Variants in HEPH observed in about 807,000 individuals in gnomAD.
HEPH encodes hephaestin.
A neutral mutation model predicts 80.8 loss-of-function variants in HEPH; 69 were observed. That is an observed-to-expected ratio of 0.85 (90% CI 0.70 to 1.04). HEPH has a LOEUF of 1.04. Among genes scored for constraint, HEPH ranks in the 50% least tolerant of loss-of-function variants. HEPH has a pLI of 0.00. For synonymous variants in HEPH, 431 were observed against 322.8 expected, an observed-to-expected ratio of 1.34 and a Z score of -3.60; for missense variants, 1,115 against 891.3, an observed-to-expected ratio of 1.25 and a Z score of -3.20.
intron 17 of HEPH, among the ~76,000 whole-genome samples, chrX:66,257,224 A>G (rs1323956006): frequency 8.9e-6 from 1 of 111,942 alleles, no homozygotes; most frequent in Non-Finnish European, 1.9e-5. Context: ...GAAATGGTCC[A>G]GGATAAAAAG....
intron 15 of HEPH, among the ~76,000 whole-genome samples, chrX:66,250,471 C>A (rs2090962471): frequency 9.0e-6 from 1 of 111,321 alleles, no homozygotes; most frequent in African/African-American, 3.3e-5. Flanking sequence ...AGTATAATCA[C>A]CACCGCAATC....
At chrX:66,186,406 T>C (rs1326441972) in intron 4 of HEPH, among the ~76,000 whole-genome samples, 3 of 111,836 alleles carry the variant, frequency 2.7e-5, no homozygotes, top group African/African-American at 6.5e-5. Flanking sequence ...AGTCTCGTGG[T>C]GCGCGGTTTC....
intron 17 of HEPH, among the ~76,000 whole-genome samples, 176 bp from the exon 18 acceptor site, chrX:66,258,664 C>T (rs1403594429): frequency 2.7e-5 from 3 of 111,073 alleles, no homozygotes; most frequent in Non-Finnish European, 5.7e-5. Context: ...TTGATAATAT[C>T]AATGTAAGAA....
chrX:66,196,696 C>T (rs1040497691), intron 9 of HEPH, among the ~76,000 whole-genome samples: 1 of 111,954 alleles, frequency 8.9e-6, no homozygotes, highest in African/African-American at 3.2e-5. Context: ...CTTACAACCT[C>T]ATCAGCACTG....
Position 66,193,355 on chromosome X carries a change from G to A in HEPH, c.1233-147G>A, listed in dbSNP as rs149965498. On this transcript the variant is annotated intron_variant, in intron 7 of 20. Transcript: ENST00000343002. ...ACTTTCTAGTGGTGCCACCAAAGGAGATATCTTCACTGGTGGGAGTTAACT... is the reference window on the plus strand; with the variant it reads ...ACTTTCTAGTGGTGCCACCAAAGGAAATATCTTCACTGGTGGGAGTTAACT... 356 of 338,751 alleles carry A rather than the reference G, an allele frequency of 1.1e-3. 6 individuals are homozygous for A. In the East Asian group the frequency reaches 0.016, roughly 15 times the overall value. 27.9% of individuals were successfully genotyped at this position (338,751 alleles called of 1,213,427 possible).
At chrX:66,247,208 G>T (rs1164666529) in intron 15 of HEPH, among the ~76,000 whole-genome samples, 1 of 109,952 alleles carries the variant, frequency 9.1e-6, no homozygotes. Context: ...AGATTTACAT[G>T]TTTTGTCAAA....
At chrX:66,177,450 G>A (rs1363997770) in intron 4 of HEPH, among the ~76,000 whole-genome samples, 2 of 111,394 alleles carry the variant, frequency 1.8e-5, no homozygotes, top group Non-Finnish European at 3.8e-5. Context: ...TTTAATCTAG[G>A]AGGATTGTAT....
chrX:66,176,164 C>G (rs920586361), intron 4 of HEPH, among the ~76,000 whole-genome samples: 2 of 111,785 alleles, frequency 1.8e-5, no homozygotes, highest in Admixed American at 1.9e-4. Flanking sequence ...TCATATATGG[C>G]TTTTATTACA....
At chrX:66,180,594 A>G (rs181677957) in intron 4 of HEPH, among the ~76,000 whole-genome samples, 1 of 99,621 alleles carries the variant, frequency 1.0e-5, no homozygotes, top group East Asian at 3.2e-4. Context: ...TACCTAGGTG[A>G]TAATCTTTTT....
intron 9 of HEPH, among the ~76,000 whole-genome samples, 167 bp downstream of exon 9, chrX:66,195,396 A>G (rs973966128): frequency 1.8e-5 from 2 of 111,714 alleles, no homozygotes; most frequent in Non-Finnish European, 3.8e-5. Context: ...CTGGGCTTCA[A>G]TAATAAGAGA....
chrX:66,210,410 A>G (rs1255024089), intron 15 of HEPH, among the ~76,000 whole-genome samples: 1 of 111,734 alleles, frequency 8.9e-6, no homozygotes, highest in Non-Finnish European at 1.9e-5. Context: ...ATTTTAGGTA[A>G]TGAGAAGGTC....
intron 15 of HEPH, among the ~76,000 whole-genome samples, chrX:66,241,674 C>A (rs2090589465): frequency 9.0e-6 from 1 of 111,455 alleles, no homozygotes; most frequent in South Asian, 3.8e-4. Context: ...GACTGCAACA[C>A]CCCAATGACA....
rs376506754 is a variant in HEPH, at chrX:66,197,652, C to T, written c.1502-31C>T. On this transcript the variant is annotated intron_variant, in intron 9 of 20. Coordinates refer to ENST00000343002, the MANE Select transcript of HEPH (RefSeq NM_001367233.3). ...GCTGATGATTCTCATTCTAGTCAAT[C>T]TAAGTAATGAGTCCCATATTTTCAC... 5.4e-6 allele frequency: 6 copies of T among 1,114,024 alleles called. No homozygotes were observed. The African/African-American group carries it at 1.1e-4, about 20-fold the overall frequency. 91.8% of individuals were successfully genotyped at this position (1,114,024 alleles called of 1,213,427 possible).
rs751523001 is a variant in HEPH at position 66,172,614 on chromosome X, C to T, written c.412+15C>T. On this transcript the variant is annotated intron_variant, in intron 3 of 20. Coordinates refer to ENST00000343002, the MANE Select transcript of HEPH (RefSeq NM_001367233.3). The stretch of plus-strand genomic sequence containing the variant: ...GGACTCTGAAGGTAAACCATTCCAC[C>T]GTTTCTTTCCCCCATGCCCAACAAA... 1.1e-5 allele frequency: 12 copies of T among 1,118,073 alleles called. No individual in the cohort carries two copies. The highest frequency in any genetic ancestry group is 5.0e-5 in the South Asian group (2 of 39,615). 92.1% of individuals were successfully genotyped at this position (1,118,073 alleles called of 1,213,427 possible).
At position 66,251,126 on chromosome X, in the gene HEPH, AC is replaced by A. The variant is rs1351695684; in HGVS notation, c.2564-3906del. Among the ~76,000 whole-genome samples, 3 of 112,144 alleles carry A rather than the reference AC, an allele frequency of 2.7e-5. No individual in the cohort carries two copies. The Admixed American group carries it at 2.8e-4, about 11-fold the overall frequency. ...TCAAACTCCTGACCTCAAGTGATCCACCCACTGTGGCCTCCCAGTGTGCTGG... is the reference window on the plus strand; with the variant it reads ...TCAAACTCCTGACCTCAAGTGATCCACCACTGTGGCCTCCCAGTGTGCTGG... On this transcript the variant is annotated intron_variant, in intron 15 of 20. Coordinates refer to ENST00000343002, the MANE Select transcript of HEPH (RefSeq NM_001367233.3).
chrX:66,222,485 A>G (rs1367759899), intron 15 of HEPH, among the ~76,000 whole-genome samples: 1 of 112,194 alleles, frequency 8.9e-6, no homozygotes, highest in South Asian at 3.7e-4. Flanking sequence ...GCATCTTGGT[A>G]TGCTGTCTTA....
chrX:66,258,299 G>T (rs1268591569), intron 17 of HEPH, among the ~76,000 whole-genome samples: 3 of 111,884 alleles, frequency 2.7e-5, no homozygotes, highest in African/African-American at 9.8e-5. Flanking sequence ...GGGAATGAGA[G>T]TTATGGAGAG....
At chrX:66,208,275 A>G (rs2088905894) in intron 15 of HEPH, 29 bp downstream of exon 15, 1 of 1,184,924 alleles carries the variant, frequency 8.4e-7, no homozygotes, top group African/African-American at 1.8e-5. Context: ...TGAAAGAACA[A>G]AGGACATGCA....
intron 8 of HEPH, among the ~76,000 whole-genome samples, chrX:66,194,050 T>TGCAGACATACTTGAAATA (rs2087953919): frequency 1.8e-5 from 2 of 111,533 alleles, no homozygotes; most frequent in Admixed American, 9.5e-5. Flanking sequence ...TGGCATGACA[T>TGCAGACATACTTGAAATA]GCAGACATAC....
Sources: gnomAD v4.1 joint callset for allele counts (sites outside exome capture counted in the v4.1 genomes callset) on GRCh38, gnomAD v4.1.1 for gene constraint, MANE v1.5 for transcripts, NCBI Gene and HGNC (gene_info 2026-07-23, HGNC 2026-07-21) for gene names.